The following PTPRD variants were observed in gnomAD, a reference collection of about 807,000 sequenced individuals.
PTPRD encodes the protein protein tyrosine phosphatase receptor type D, also known as receptor-type tyrosine-protein phosphatase delta.
A neutral mutation model predicts 214.5 loss-of-function variants in PTPRD; 34 were observed. The ratio of observed to expected loss-of-function variants is 0.16; its 90% CI spans 0.12 to 0.21. The LOEUF (loss-of-function observed/expected upper bound fraction) is 0.21, where lower values mean the gene tolerates loss of function less well. Ranked by LOEUF, PTPRD falls within the 10% of genes least tolerant of loss-of-function variation. PTPRD has a pLI of 1.00. For synonymous variants in PTPRD, 1,128 were observed against 845.7 expected (o/e 1.33, Z -5.79); for missense variants, 2,545 against 2,398.7 (o/e 1.06, Z -1.27).
intron 10 of PTPRD, among the ~76,000 whole-genome samples, chr9:9,138,591 A>C (rs1050649032): frequency 6.6e-6 from 1 of 152,262 alleles, no homozygotes. Flanking sequence ...TAGTGTGTTC[A>C]TTGTGCCAAG....
chr9:8,910,454 T>C (rs1004855086), intron 11 of PTPRD, among the ~76,000 whole-genome samples: 4 of 152,020 alleles, frequency 2.6e-5, no homozygotes, highest in African/African-American at 7.3e-5. Context: ...AATAATTGGG[T>C]TAATGGATTT....
intron 3 of PTPRD, among the ~76,000 whole-genome samples, chr9:10,287,519 G>A (rs16925716): frequency 0.054 from 8,200 of 152,030 alleles, 722 homozygotes; most frequent in African/African-American, 0.19. Context: ...TAATGATGCC[G>A]CCATTGCTAC....
chr9:9,330,154 T>C (rs2136475153), intron 9 of PTPRD, among the ~76,000 whole-genome samples: 1 of 152,244 alleles, frequency 6.6e-6, no homozygotes, highest in Admixed American at 6.6e-5. Flanking sequence ...TCTGACCCCC[T>C]GCTTCTCTTT....
At chr9:10,263,596 C>A (rs62541411) in intron 3 of PTPRD, among the ~76,000 whole-genome samples, 1 of 151,712 alleles carries the variant, frequency 6.6e-6, no homozygotes, top group Non-Finnish European at 1.5e-5. Flanking sequence ...AGGTATCTGG[C>A]GGAAGAAATT....
At chr9:8,552,174 A>G (rs1404211451) in intron 14 of PTPRD, among the ~76,000 whole-genome samples, 1 of 152,144 alleles carries the variant, frequency 6.6e-6, no homozygotes, top group Non-Finnish European at 1.5e-5. Flanking sequence ...ACCTATTACC[A>G]ATAACCACAA....
At chr9:9,887,934 A>C (rs553412583) in intron 5 of PTPRD, among the ~76,000 whole-genome samples, 29 of 152,248 alleles carry the variant, frequency 1.9e-4, no homozygotes, top group African/African-American at 6.3e-4. Context: ...GAGATAATAC[A>C]CTCACATGAA....
chr9:9,364,582 C>G (rs562459732), intron 9 of PTPRD, among the ~76,000 whole-genome samples: 3 of 151,354 alleles, frequency 2.0e-5, no homozygotes, highest in Admixed American at 6.6e-5. Context: ...GGCTGAGAAA[C>G]GGTCTTGAGT....
At chr9:10,462,544 A>T (rs146377335) in intron 2 of PTPRD, among the ~76,000 whole-genome samples, 100 of 152,072 alleles carry the variant, frequency 6.6e-4, no homozygotes, top group Non-Finnish European at 1.1e-3. Flanking sequence ...ACATAATGTA[A>T]GATATAACCA....
chr9:10,277,203 A>AAACATAAACATAAAACATG (rs775221647), intron 3 of PTPRD, among the ~76,000 whole-genome samples: 12,487 of 151,722 alleles, frequency 0.082, 589 homozygotes, highest in East Asian at 0.21. Flanking sequence ...CATAAAACAT[A>AAACATAAACATAAAACATG]AACATAAACA....
intron 2 of PTPRD, among the ~76,000 whole-genome samples, chr9:10,537,275 C>G (rs552809564): frequency 6.6e-6 from 1 of 152,284 alleles, no homozygotes; most frequent in African/African-American, 2.4e-5. Context: ...ATATCTCTTA[C>G]AACTCAGCCT....
At chr9:8,755,886 T>G (rs1280751408) in intron 11 of PTPRD, among the ~76,000 whole-genome samples, 1 of 152,218 alleles carries the variant, frequency 6.6e-6, no homozygotes, top group Non-Finnish European at 1.5e-5. Context: ...TTTCAGTAAC[T>G]AGCCTCTAAT....
chr9:9,588,890 A>C (rs570006163), intron 7 of PTPRD, among the ~76,000 whole-genome samples: 1 of 151,744 alleles, frequency 6.6e-6, no homozygotes, highest in East Asian at 1.9e-4. Context: ...TTGGGTTCAA[A>C]CTCTTTGTAT....
chr9:9,447,547 C>T (rs1298098208), intron 8 of PTPRD, among the ~76,000 whole-genome samples: 3 of 151,936 alleles, frequency 2.0e-5, no homozygotes, highest in African/African-American at 7.2e-5. Context: ...AGGAGAGGAT[C>T]AGGAAAAATA....
intron 6 of PTPRD, among the ~76,000 whole-genome samples, chr9:9,765,514 G>T (rs574939256): frequency 1.8e-4 from 28 of 152,290 alleles, no homozygotes; most frequent in Non-Finnish European, 3.4e-4. Flanking sequence ...GGGGCTGGAA[G>T]AACCTTGAAT....
At chr9:8,330,659 A>G (rs1839451146) in intron 44 of PTPRD, among the ~76,000 whole-genome samples, 1 of 151,928 alleles carries the variant, frequency 6.6e-6, no homozygotes, top group African/African-American at 2.4e-5. Context: ...AACCTCAGCT[A>G]AGATAACTGA....
chr9:9,184,457 C>G (rs891445690), intron 9 of PTPRD, among the ~76,000 whole-genome samples: 2 of 152,014 alleles, frequency 1.3e-5, no homozygotes, highest in African/African-American at 4.8e-5. Context: ...ACAAAAAGAA[C>G]ATGATTCTCC....
intron 11 of PTPRD, among the ~76,000 whole-genome samples, chr9:8,762,684 C>T (rs1299857359): frequency 6.6e-6 from 1 of 152,094 alleles, no homozygotes; most frequent in Non-Finnish European, 1.5e-5. Context: ...TGGGTTTTCT[C>T]CTAACTTCTG....
At chr9:9,998,129 A>AAAAAAAATATATATAT (rs57991748) in intron 4 of PTPRD, among the ~76,000 whole-genome samples, 1 of 91,496 alleles carries the variant, frequency 1.1e-5, no homozygotes, top group Non-Finnish European at 2.0e-5. Flanking sequence ...AAAAAAAAAA[A>AAAAAAAATATATATAT]ATATATATAT....
At chr9:9,661,842 G>A (rs2096628128) in intron 7 of PTPRD, among the ~76,000 whole-genome samples, 1 of 151,688 alleles carries the variant, frequency 6.6e-6, no homozygotes. Flanking sequence ...TGTAAATAAG[G>A]AGATTTGAGT....
Sources: allele counts gnomAD v4.1 joint callset (sites outside exome capture counted in the v4.1 genomes callset), GRCh38; gene constraint gnomAD v4.1.1; transcripts MANE v1.5; gene names NCBI Gene and HGNC (gene_info 2026-07-23, HGNC 2026-07-21).